Variants in TMEM239 observed in about 807,000 individuals in gnomAD.
TMEM239 encodes the protein transmembrane protein 239.
TMEM239 carries 10 observed loss-of-function variants against 14.6 expected under a neutral mutation model. The observed-to-expected ratio is 0.68, with a 90% CI of 0.42 to 1.16. TMEM239 has a LOEUF of 1.16. Ranked by LOEUF, TMEM239 falls within the 50% of genes most tolerant of loss-of-function variation. The pLI, the probability that TMEM239 is intolerant of heterozygous loss-of-function variation, is 0.00. For missense variants in TMEM239, 183 were observed against 194.4 expected, an observed-to-expected ratio of 0.94 and a Z score of 0.35; for synonymous variants, 94 against 89.9, an observed-to-expected ratio of 1.05 and a Z score of -0.26.
At chr20:2,819,190 G>A (rs1446129734), downstream of TMEM239, 1 of 152,306 alleles carries the variant, frequency 6.6e-6, no homozygotes, top group Non-Finnish European at 1.5e-5. Context: ...GCTAGCCAGG[G>A]ACGTTGCTCT....
Position 2,816,974 on chromosome 20 carries a change from C to T in TMEM239, c.420C>T (p.Ser140=). The part of the protein sequence containing the change: ...TLLSLVGLLT[S]MTHPGDTQDL... The stretch of plus-strand genomic sequence containing the variant: ...TGAGCCTTGTGGGCCTCCTCACCTC[C>T]ATGACTCACCCAGGCGACACTCAGG... Residue 140 remains serine (S), a synonymous_variant, in exon 2 of 2, where the codon TCC becomes TCT. Transcript: ENST00000380585. 1 of 1,538,116 alleles carries T rather than the reference C, an allele frequency of 6.5e-7. No individual in the cohort carries two copies. Among genetic ancestry groups the T allele is most frequent in the Non-Finnish European group, 8.7e-7 (1 of 1,147,054 alleles).
chr20:2,819,468 C>T (rs1418606019), downstream of TMEM239: 2 of 152,276 alleles, frequency 1.3e-5, no homozygotes, highest in African/African-American at 2.4e-5. Flanking sequence ...CCATAAGGGC[C>T]TTGCCCCTCA....
chr20:2,816,286 C>T, upstream of TMEM239: 3 of 1,497,992 alleles, frequency 2.0e-6, no homozygotes, highest in Non-Finnish European at 2.7e-6. Context: ...GGCTGGACCC[C>T]ACCCCAGCCC....
downstream of TMEM239, chr20:2,818,634 G>A (rs1362075758): frequency 1.4e-4 from 21 of 152,338 alleles, no homozygotes; most frequent in Admixed American, 1.4e-3. Flanking sequence ...GTGAGAGCGA[G>A]GTAGGACATG....
chr20:2,818,710 G>C (rs1318287869), downstream of TMEM239: 1 of 152,260 alleles, frequency 6.6e-6, no homozygotes, highest in Non-Finnish European at 1.5e-5. Context: ...GTGAGTCCCA[G>C]CACTCTCACT....
chr20:2,816,875 CCTG>C lies in TMEM239; in HGVS notation c.328_330del (p.Leu110del). On this transcript the variant is annotated inframe_deletion, in exon 2 of 2. Transcript: ENST00000380585. ...TGTGGCGCCACCTGCTACCGGCTCT[CCTG>C]CTGCTGGTGCTCAGTGCTCTGCCTG... 6.5e-7 allele frequency: 1 copy of C among 1,544,868 alleles called. No homozygotes were observed. Among genetic ancestry groups the C allele is most frequent in the South Asian group, 1.2e-5 (1 of 84,068 alleles).
chr20:2,815,866 G>A, upstream of TMEM239: 1 of 1,086,078 alleles, frequency 9.2e-7, no homozygotes, highest in Non-Finnish European at 1.4e-6. Flanking sequence ...CTGGGCAGGT[G>A]GGATGATACC....
At position 2,817,403 on chromosome 20, in the gene TMEM239, T is replaced by C. The variant is rs1199320726; in HGVS notation, c.*390T>C. ...TCTCAGCTTCAGACTCACTGAGAAC[T>C]TCTACCTGGGTACCACTGGCCTTGC... is the stretch of plus-strand genomic sequence containing the variant. On this transcript the variant is annotated 3_prime_UTR_variant, in exon 2 of 2. Transcript: ENST00000380585. 2 of 363,198 alleles carry C rather than the reference T, an allele frequency of 5.5e-6. No individual in the cohort carries two copies. Among genetic ancestry groups the C allele is most frequent in the Non-Finnish European group, 1.0e-5 (2 of 200,222 alleles). The allele number at this position is 363,198 out of a possible 1,614,324, so 22.5% of individuals were successfully genotyped here. A position where few individuals can be genotyped will look rare whatever the true frequency, so the allele number is the denominator to read the frequency against.
upstream of TMEM239, chr20:2,815,785 C>T: frequency 1.2e-6 from 2 of 1,600,380 alleles, no homozygotes; most frequent in Non-Finnish European, 1.7e-6. Flanking sequence ...AGAGCCCCTC[C>T]CCACAACTCA....
upstream of TMEM239, chr20:2,815,837 C>CA: frequency 8.5e-6 from 11 of 1,292,272 alleles, no homozygotes; most frequent in South Asian, 1.4e-4. Context: ...TTCATCAGGC[C>CA]CCCTTTTCTC....
chr20:2,817,101 G>T lies in TMEM239; in HGVS notation c.*88G>T, dbSNP rs6115684. The T allele has an allele frequency of 1.3e-6, 2 of 1,483,042 alleles. No homozygotes were observed. Among genetic ancestry groups the T allele is most frequent in the African/African-American group, 1.4e-5 (1 of 69,072 alleles). The allele number at this position is 1,483,042 out of a possible 1,614,324, so 91.9% of individuals were successfully genotyped here. On this transcript the variant is annotated 3_prime_UTR_variant, in exon 2 of 2. Transcript: ENST00000380585. ...GGGGAGAGGGAGGGCAATGGGATCA[G>T]GGCTCCCTGCCTTGGCAGGGCCCAG...
chr20:2,816,833 G>A lies in TMEM239; in HGVS notation c.279G>A (p.Trp93Ter). The change falls in exon 2 of 2, where the codon TGG becomes TGA. Residue 93 changes from tryptophan to a stop codon, truncating the protein, a stop_gained. Transcript: ENST00000380585. LOFTEE classifies it high-confidence loss of function. ...GCTCCCACCTGCTGAGCTCCTTGTG[G>A]CCTGTCGTGGCCGCGGTGTGGCGCC... ...TTGSHLLSSL[W>*]PVVAAVWRHL... The A allele has an allele frequency of 6.5e-7, 1 of 1,549,710 alleles. No homozygotes were observed. The highest frequency in any genetic ancestry group is 8.7e-7 in the Non-Finnish European group (1 of 1,146,978).
In TMEM239 at chr20:2,817,616, G is replaced by T. The variant is rs933068373; in HGVS notation, c.*603G>T. On this transcript the variant is annotated 3_prime_UTR_variant, in exon 2 of 2. Transcript: ENST00000380585. ...GACTTCCTACTTCCTGCCTCAGTCT[G>T]CATCCCCAAGTCTGAGAAATGGGCC... 1.3e-5 allele frequency: 2 copies of T among 155,508 alleles called. No homozygotes were observed. The highest frequency in any genetic ancestry group is 4.8e-5 in the African/African-American group (2 of 41,494). 9.6% of individuals were successfully genotyped at this position (155,508 alleles called of 1,614,324 possible).
rs1245658523 is a variant in TMEM239, at chr20:2,817,317, A to T, written c.*304A>T. 7.5e-6 allele frequency: 4 copies of T among 536,506 alleles called. No homozygotes were observed. Among genetic ancestry groups the T allele is most frequent in the Non-Finnish European group, 1.3e-5 (4 of 304,554 alleles). 33.2% of individuals were successfully genotyped at this position (536,506 alleles called of 1,614,324 possible). A position where few individuals can be genotyped will look rare whatever the true frequency, so the allele number is the denominator to read the frequency against. ...CACTGATAGCGCCCATATGGATGTG[A>T]TGATACCCGTGGGGCCCCCTTGGCA... On this transcript the variant is annotated 3_prime_UTR_variant, in exon 2 of 2. Transcript: ENST00000380585.
At position 2,817,250 on chromosome 20, in the gene TMEM239, A is replaced by G; in HGVS notation, c.*237A>G. On this transcript the variant is annotated 3_prime_UTR_variant, in exon 2 of 2. Transcript: ENST00000380585. ...AGGGGGCAAGACAGATGGCTTAGCCATTGGTGAAAATTGCTTAGCCAGGGG... is the reference window on the plus strand; with the variant it reads ...AGGGGGCAAGACAGATGGCTTAGCCGTTGGTGAAAATTGCTTAGCCAGGGG... The G allele has an allele frequency of 3.3e-6, 2 of 608,640 alleles. No homozygotes were observed. Among genetic ancestry groups the G allele is most frequent in the South Asian group, 2.1e-5 (1 of 46,864 alleles). The allele number at this position is 608,640 out of a possible 1,614,324, so 37.7% of individuals were successfully genotyped here. A position where few individuals can be genotyped will look rare whatever the true frequency, so the allele number is the denominator to read the frequency against.
chr20:2,816,850 T>C lies in TMEM239; in HGVS notation c.296T>C (p.Val99Ala), dbSNP rs1019216394. The change falls in exon 2 of 2, where the codon GTG becomes GCG. Residue 99 changes from valine to alanine, a missense_variant. Transcript: ENST00000380585. ...LSSLWPVVAA[V>A]WRHLLPALLL... is the part of the protein sequence containing the mutation. ...TCCTTGTGGCCTGTCGTGGCCGCGG[T>C]GTGGCGCCACCTGCTACCGGCTCTC... 5 of 1,548,086 alleles carry C rather than the reference T, an allele frequency of 3.2e-6. No individual in the cohort carries two copies. The highest frequency in any genetic ancestry group is 4.4e-6 in the Non-Finnish European group (5 of 1,146,964).
rs2088682937 is a variant in TMEM239, at chr20:2,816,960, G to A, written c.406G>A (p.Gly136Ser). Reference protein sequence around the residue: ...LLFSTLLSLVGLLTSMTHPGD... With the variant: ...LLFSTLLSLVSLLTSMTHPGD... ...CTTCTCCACACTGCTGAGCCTTGTG[G>A]GCCTCCTCACCTCCATGACTCACCC... The change falls in exon 2 of 2, where the codon GGC (glycine) becomes AGC (serine). Residue 136 changes from glycine (G) to serine (S), a missense_variant. Transcript: ENST00000380585. The A allele has an allele frequency of 2.6e-6, 4 of 1,538,084 alleles. No individual in the cohort carries two copies. Among genetic ancestry groups the A allele is most frequent in the Non-Finnish European group, 3.5e-6 (4 of 1,147,060 alleles).
Position 2,816,905 on chromosome 20 carries a change from C to T in TMEM239, c.351C>T (p.Ala117=). 5.2e-6 allele frequency: 8 copies of T among 1,541,322 alleles called. No individual in the cohort carries two copies. The highest frequency in any genetic ancestry group is 7.0e-6 in the Non-Finnish European group (8 of 1,147,040). The change falls in exon 2 of 2, where the codon GCC becomes GCT. Residue 117 remains alanine (A), a synonymous_variant. Transcript: ENST00000380585. ...LLLLVLSALP[A]LLFTASFLLL... ...TGCTGGTGCTCAGTGCTCTGCCTGC[C>T]CTCCTCTTCACGGCCTCCTTCCTGC...
chr20:2,816,578 G>T lies in TMEM239; in HGVS notation c.24G>T (p.Glu8Asp). 1 of 1,535,154 alleles carries T rather than the reference G, an allele frequency of 6.5e-7. No individual in the cohort carries two copies. Among genetic ancestry groups the T allele is most frequent in the Non-Finnish European group, 8.7e-7 (1 of 1,146,470 alleles). Reference protein sequence around the residue: MMQQPRVETDTIGAGEGP... With the variant: MMQQPRVDTDTIGAGEGP... ...ACATGATGCAGCAGCCGCGAGTGGA[G>T]ACAGATACCATCGGGGCTGGCGAGG... The change falls in exon 2 of 2, where the codon GAG becomes GAT. Residue 8 changes from glutamate to aspartate, a missense_variant. Transcript: ENST00000380585.
Sources: gnomAD v4.1 joint callset for allele counts on GRCh38, gnomAD v4.1.1 for gene constraint, MANE v1.5 for transcripts, NCBI Gene and HGNC (gene_info 2026-07-23, HGNC 2026-07-21) for gene names.